CRB1: variants seen among roughly 807,000 people sequenced by gnomAD.
CRB1 encodes the protein protein crumbs homolog 1.
A neutral mutation model predicts 120.0 loss-of-function variants in CRB1; 83 were observed. That is an observed-to-expected ratio of 0.69 (90% CI 0.58 to 0.83). The LOEUF is 0.83. CRB1 is among the 40% of genes least tolerant of loss of function. CRB1 has a pLI of 0.00. For synonymous variants in CRB1, 625 were observed against 612.5 expected, an observed-to-expected ratio of 1.02 and a Z score of -0.30; for missense variants, 1,699 against 1,687.6, an observed-to-expected ratio of 1.01 and a Z score of -0.12.
At chr1:197,255,977 A>ATATATATATATG in the CRB1 span, among the ~76,000 whole-genome samples, 1 of 128,174 alleles carries the variant, frequency 7.8e-6, no homozygotes, top group Non-Finnish European at 1.6e-5. Flanking sequence ...ATATATATAT[A>ATATATATATATG]TATATATATA....
At chr1:197,233,296 C>T in the CRB1 span, among the ~76,000 whole-genome samples, 1 of 152,148 alleles carries the variant, frequency 6.6e-6, no homozygotes, top group Non-Finnish European at 1.5e-5. Context: ...CTATAAACTC[C>T]GTCAAGTAGT....
Position 197,294,230 on chromosome 1 carries a change from A to G in CRB1, c.70+25748A>G, listed in dbSNP as rs184791101. 5.9e-3 allele frequency among the ~76,000 whole-genome samples: 891 copies of G among 152,264 alleles called. 8 individuals carry two copies. Among genetic ancestry groups the G allele is most frequent in the African/African-American group, 0.019 (806 of 41,562 alleles). ...ACAAATTTACAAGAAAAAATCAAAC[A>G]ACCCCATCAAAAAGTGGGCAAAGGA... On this transcript the variant is annotated intron_variant, in intron 1 of 11. Coordinates refer to ENST00000367400, the MANE Select transcript of CRB1 (RefSeq NM_201253.3).
In CRB1 at chr1:197,380,898, C is replaced by T. The variant is rs941282780; in HGVS notation, c.1171+23885C>T. Among the ~76,000 whole-genome samples, 4 of 152,154 alleles carry T rather than the reference C, an allele frequency of 2.6e-5. No homozygotes were observed. The East Asian group carries it at 5.8e-4, about 22-fold the overall frequency. On this transcript the variant is annotated intron_variant, in intron 5 of 11. Coordinates refer to ENST00000367400, the MANE Select transcript of CRB1 (RefSeq NM_201253.3). ...CAGGAGCCAGCGCAAGTGTGTCTGG[C>T]GCATCTCTCGTTGTTGAACTGTCCT...
the CRB1 span, among the ~76,000 whole-genome samples, chr1:197,247,002 C>T: frequency 6.6e-6 from 1 of 151,964 alleles, no homozygotes; most frequent in South Asian, 2.1e-4. Context: ...AGACTGTACT[C>T]AGTTTTAGGG....
rs1470882694 is a variant in CRB1, at chr1:197,328,881, G to C, written c.530G>C (p.Gly177Ala). The C allele has an allele frequency of 1.9e-6, 3 of 1,614,102 alleles. No homozygotes were observed. Among genetic ancestry groups the C allele is most frequent in the Non-Finnish European group, 2.5e-6 (3 of 1,180,038 alleles). Residue 177 changes from glycine to alanine, a missense_variant, in exon 2 of 12, where the codon GGA becomes GCA. Coordinates refer to ENST00000367400, the MANE Select transcript of CRB1 (RefSeq NM_201253.3). ...IDGYSCFCVP[G>A]YQGRHCDLEV... ...GGTTACTCCTGCTTCTGTGTCCCAG[G>C]ATATCAAGGCAGACACTGCGACTTG...
At chr1:197,458,284 C>T (rs1412191640) in intron 11 of CRB1, among the ~76,000 whole-genome samples, 1 of 151,886 alleles carries the variant, frequency 6.6e-6, no homozygotes, top group Non-Finnish European at 1.5e-5. Context: ...CCTACAGCAG[C>T]CACAGGAGTT....
intron 1 of CRB1, among the ~76,000 whole-genome samples, chr1:197,306,402 A>G (rs1657177601): frequency 6.6e-6 from 1 of 152,194 alleles, no homozygotes; most frequent in Non-Finnish European, 1.5e-5. Flanking sequence ...TTGATATTGA[A>G]GGCAGATATC....
chr1:197,473,506 C>T (rs1033199411), intron 11 of CRB1, among the ~76,000 whole-genome samples: 1 of 151,810 alleles, frequency 6.6e-6, no homozygotes, highest in African/African-American at 2.4e-5. Context: ...TTTTATTCTG[C>T]AGATATGGAG....
At chr1:197,346,166 A>G (rs1659761005) in intron 3 of CRB1, among the ~76,000 whole-genome samples, 1 of 152,220 alleles carries the variant, frequency 6.6e-6, no homozygotes. Flanking sequence ...TCCCTATTGT[A>G]CCATTATCTC....
intron 11 of CRB1, among the ~76,000 whole-genome samples, chr1:197,448,015 T>A (rs530456395): frequency 1.3e-5 from 2 of 152,322 alleles, no homozygotes; most frequent in South Asian, 2.1e-4. Context: ...TAAATTACTT[T>A]AAAAAATTCT....
At chr1:197,356,732 C>A in intron 4 of CRB1, 99 bp from the exon 5 acceptor site, 2 of 1,227,292 alleles carry the variant, frequency 1.6e-6, no homozygotes, top group Non-Finnish European at 2.4e-6. Context: ...CATCAACTTG[C>A]TAAATCAATG....
At chr1:197,473,911 G>A (rs190670902) in intron 11 of CRB1, among the ~76,000 whole-genome samples, 12 of 151,352 alleles carry the variant, frequency 7.9e-5, no homozygotes, top group East Asian at 1.9e-4. Context: ...CTGAAGAGGC[G>A]ATTTCAAAAC....
At chr1:197,411,032 A>G (rs1238961686) in intron 5 of CRB1, among the ~76,000 whole-genome samples, 2 of 152,186 alleles carry the variant, frequency 1.3e-5, no homozygotes, top group African/African-American at 2.4e-5. Context: ...CATGTGTTAG[A>G]CCTTTAGCTA....
chr1:197,354,500 G>A (rs867798930), intron 4 of CRB1, among the ~76,000 whole-genome samples: 3 of 152,024 alleles, frequency 2.0e-5, no homozygotes, highest in Admixed American at 6.6e-5. Flanking sequence ...TGGGTTCGTG[G>A]TCTTACTGGC....
intron 8 of CRB1, 81 bp from the exon 9 acceptor site, chr1:197,434,625 T>G: frequency 8.2e-7 from 1 of 1,213,198 alleles, no homozygotes; most frequent in Non-Finnish European, 1.2e-6. Flanking sequence ...ATTAACACAA[T>G]GATCATTACT....
chr1:197,217,937 G>A, the CRB1 span, among the ~76,000 whole-genome samples: 1 of 152,134 alleles, frequency 6.6e-6, no homozygotes, highest in Non-Finnish European at 1.5e-5. Flanking sequence ...ATATAGGAAG[G>A]AATTGCACTG....
rs140895508 is a variant in CRB1 at position 197,348,719 on chromosome 1, G to A, written c.988+1240G>A. The stretch of plus-strand genomic sequence containing the variant: ...GCTCAATCTCCTAACCTTGTGATCC[G>A]CCCGCCTCAGCCTCCCAAAGTGCTG... On this transcript the variant is annotated intron_variant, in intron 4 of 11. Transcript: ENST00000367400. Among the ~76,000 whole-genome samples the A allele has an allele frequency of 9.0e-3, 1,374 of 151,946 alleles. 17 individuals carry two copies. Among genetic ancestry groups the A allele is most frequent in the African/African-American group, 0.03 (1,264 of 41,446 alleles).
the CRB1 span, among the ~76,000 whole-genome samples, chr1:197,247,292 A>T: frequency 6.6e-6 from 1 of 152,048 alleles, no homozygotes; most frequent in African/African-American, 2.4e-5. Context: ...ATTTTTTATT[A>T]TAAATGTTTT....
chr1:197,281,081 C>T (rs942762799), intron 1 of CRB1, among the ~76,000 whole-genome samples: 2 of 151,824 alleles, frequency 1.3e-5, no homozygotes, highest in Admixed American at 1.3e-4. Context: ...ATGTCATTTA[C>T]AGACTAGGTT....
Sources: allele counts gnomAD v4.1 joint callset (sites outside exome capture counted in the v4.1 genomes callset), GRCh38; gene constraint gnomAD v4.1.1; transcripts MANE v1.5; gene names NCBI Gene and HGNC (gene_info 2026-07-23, HGNC 2026-07-21).